PRDM2: variants seen among roughly 807,000 people sequenced by gnomAD.
PRDM2 encodes PR domain zinc finger protein 2.
PRDM2 carries 30 observed loss-of-function variants against 130.0 expected under a neutral mutation model. The ratio of observed to expected loss-of-function variants is 0.23; its 90% CI spans 0.17 to 0.31. PRDM2 has a LOEUF of 0.31. PRDM2 is among the 10% of genes least tolerant of loss of function. The probability of loss-of-function intolerance (pLI) is 1.00; values close to 1 mark genes in which losing one functional copy is unlikely to be tolerated. For synonymous variants in PRDM2, 871 were observed against 782.4 expected (o/e 1.11, Z -1.89); for missense variants, 2,011 against 2,108.4 (o/e 0.95, Z 0.90).
rs1486862791 is a variant in PRDM2 at position 13,781,338 on chromosome 1, C to T, written c.3543C>T (p.Arg1181=). ...FKDKTDLSEH[R]FLLHGVGNIF... ...ATAAAACGGACTTGTCAGAACATCG[C>T]TTTTTGCTTCATGGAGTTGGGAATA... Residue 1181 remains arginine (R), a synonymous_variant, in exon 8 of 10, where the codon CGC becomes CGT. Transcript: ENST00000311066. The surrounding 1 kb of genome is among the most constrained non-coding windows in gnomAD (Gnocchi z 6.1). 2 of 1,614,000 alleles carry T rather than the reference C, an allele frequency of 1.2e-6. No homozygotes were observed. Among genetic ancestry groups the T allele is most frequent in the Non-Finnish European group, 1.7e-6 (2 of 1,180,024 alleles).
Position 13,771,241 on chromosome 1 carries a change from G to A in PRDM2, c.512-1837G>A, listed in dbSNP as rs75810858. On this transcript the variant is annotated intron_variant, in intron 6 of 9. Transcript: ENST00000311066. This position sits in a 1 kb window ranked among gnomAD's most constrained non-coding sequence, Gnocchi z 4.1. ...GGCTTATAATTCTTCACCTGGAGACGTGTGTTGGTCATCTCCATGCAGATC... is the reference window on the plus strand; with the variant it reads ...GGCTTATAATTCTTCACCTGGAGACATGTGTTGGTCATCTCCATGCAGATC... Among the ~76,000 whole-genome samples the A allele has an allele frequency of 1.4e-3, 218 of 152,288 alleles. 1 individual carries two copies. Among genetic ancestry groups the A allele is most frequent in the African/African-American group, 5.0e-3 (208 of 41,556 alleles).
Position 13,780,213 on chromosome 1 carries a change from T to G in PRDM2, c.2418T>G (p.Ser806=). ...CATGCTTTGATGAATATAAAATGTC[T>G]AAAGAGTGGACAGCTAGTTCTGCTT... ...SPPCFDEYKM[S]KEWTASSAFS... Residue 806 remains serine, a synonymous_variant, in exon 8 of 10, where the codon TCT becomes TCG. Coordinates refer to ENST00000311066, the MANE Select transcript of PRDM2 (RefSeq NM_001393986.1). The G allele has an allele frequency of 6.2e-7, 1 of 1,606,314 alleles. No homozygotes were observed. The highest frequency in any genetic ancestry group is 8.5e-7 in the Non-Finnish European group (1 of 1,175,712).
chr1:13,719,211 GA>G (rs1642645412), intron 2 of PRDM2, among the ~76,000 whole-genome samples: 1 of 152,182 alleles, frequency 6.6e-6, no homozygotes, highest in African/African-American at 2.4e-5. Context: ...ATTGCTAGTA[GA>G]ACTGAAACTT....
chr1:13,773,320 C>T (rs1644398617), intron 7 of PRDM2, 132 bp downstream of exon 7: 2 of 504,732 alleles, frequency 4.0e-6, no homozygotes, highest in Middle Eastern at 2.9e-4. Flanking sequence ...AAAAAGCTGC[C>T]TAAATTTAAT....
At chr1:13,755,077 A>T (rs1643916735) in intron 6 of PRDM2, among the ~76,000 whole-genome samples, 1 of 152,080 alleles carries the variant, frequency 6.6e-6, no homozygotes, top group Non-Finnish European at 1.5e-5. Flanking sequence ...TTAAAAGCTC[A>T]GTACGGTTTT....
chr1:13,816,580 A>G lies in PRDM2; in HGVS notation c.*23+10A>G, dbSNP rs200684585. 10 of 1,612,598 alleles carry G rather than the reference A, an allele frequency of 6.2e-6. No homozygotes were observed. In the Admixed American group the frequency reaches 1.5e-4, roughly 24 times the overall value. On this transcript the variant is annotated intron_variant, in intron 9 of 9. Transcript: ENST00000311066. ...GGCTGCTCCCTGACAGGTACGAGGC[A>G]GGATGGAACAGCTTCTGGCACTGTT...
chr1:13,813,788 C>T (rs1372377195), intron 8 of PRDM2, among the ~76,000 whole-genome samples: 3 of 152,186 alleles, frequency 2.0e-5, no homozygotes, highest in Non-Finnish European at 4.4e-5. Flanking sequence ...ACGCCCTGAG[C>T]CGGGGAGGAG....
At chr1:13,724,718 C>T (rs1318878942) in intron 2 of PRDM2, among the ~76,000 whole-genome samples, 1 of 152,120 alleles carries the variant, frequency 6.6e-6, no homozygotes, top group Non-Finnish European at 1.5e-5. Context: ...TGGTCTCGAT[C>T]TCCTGACCTC....
intron 2 of PRDM2, among the ~76,000 whole-genome samples, chr1:13,727,893 A>G (rs1352954106): frequency 6.6e-6 from 1 of 152,216 alleles, no homozygotes; most frequent in African/African-American, 2.4e-5. Flanking sequence ...TCCTGTCAGG[A>G]TATGTACCAA....
In PRDM2 at chr1:13,782,654, C is replaced by T. The variant is rs762850235; in HGVS notation, c.4859C>T (p.Ala1620Val). ...CACGTGAGGGTACAGAAAAGCAAAG[C>T]TGTTTTACAAAGCAAATCCACCTTG... ...SLHVRVQKSK[A>V]VLQSKSTLAS... is the part of the protein sequence containing the mutation. The change falls in exon 8 of 10, where the codon GCT (alanine) becomes GTT (valine). Residue 1620 changes from alanine to valine, a missense_variant. Coordinates refer to ENST00000311066, the MANE Select transcript of PRDM2 (RefSeq NM_001393986.1). 1 of 1,614,140 alleles carries T rather than the reference C, an allele frequency of 6.2e-7. No individual in the cohort carries two copies. The highest frequency in any genetic ancestry group is 1.7e-5 in the Admixed American group (1 of 60,022).
Position 13,779,369 on chromosome 1 carries a change from A to G in PRDM2, c.1574A>G (p.Gln525Arg), listed in dbSNP as rs1209742622. 8.7e-6 allele frequency: 14 copies of G among 1,614,232 alleles called. No homozygotes were observed. Among genetic ancestry groups the G allele is most frequent in the Non-Finnish European group, 1.1e-5 (13 of 1,180,028 alleles). Reference protein sequence around the residue: ...VRRKGGLEEPQPPAEQAQATQ... With the variant: ...VRRKGGLEEPRPPAEQAQATQ... ...CGAAAAGGAGGCCTTGAAGAGCCCC[A>G]GCCTCCAGCAGAACAGGCCCAGGCC... Residue 525 changes from glutamine to arginine, a missense_variant, in exon 8 of 10, where the codon CAG becomes CGG. By Grantham distance (43) the Gln-to-Arg change is conservative (BLOSUM62 1). Around this residue, in one of 5 missense-constraint regions of PRDM2, gnomAD observed 1,288 missense variants for 1,237.7 expected, o/e 1.04. Transcript: ENST00000311066. This position sits in a 1 kb window ranked among gnomAD's most constrained non-coding sequence, Gnocchi z 4.9.
At chr1:13,710,868 C>T (rs1557592165) in intron 1 of PRDM2, among the ~76,000 whole-genome samples, 1 of 152,074 alleles carries the variant, frequency 6.6e-6, no homozygotes, top group Non-Finnish European at 1.5e-5. Flanking sequence ...GGACAGATCA[C>T]GAGGTCAGGA....
intron 2 of PRDM2, among the ~76,000 whole-genome samples, chr1:13,722,533 AC>A (rs1642764029): frequency 1.3e-5 from 2 of 152,150 alleles, no homozygotes; most frequent in African/African-American, 4.8e-5. Flanking sequence ...CCATGGGTAG[AC>A]CGAACAAACC....
intron 6 of PRDM2, among the ~76,000 whole-genome samples, chr1:13,761,604 G>A (rs953785266): frequency 6.6e-6 from 1 of 152,118 alleles, no homozygotes; most frequent in Non-Finnish European, 1.5e-5. Flanking sequence ...CTGACCCCCA[G>A]TGTTGTCTAC....
Position 13,778,532 on chromosome 1 carries a change from G to C in PRDM2, c.737G>C (p.Trp246Ser), listed in dbSNP as rs1644531091. The change falls in exon 8 of 10, where the codon TGG becomes TCG. Residue 246 changes from tryptophan (W) to serine (S), a missense_variant. Physicochemically the swap from Trp to Ser is radical, Grantham distance 177. Coordinates refer to ENST00000311066, the MANE Select transcript of PRDM2 (RefSeq NM_001393986.1). ...PPELATPAPAWEPQPEPDERL... is the reference protein window; with the variant it reads ...PPELATPAPASEPQPEPDERL... ...GAACTAGCAACCCCTGCCCCTGCCT[G>C]GGAGCCACAGCCAGAACCAGACGAG... The C allele has an allele frequency of 1.2e-6, 2 of 1,614,170 alleles. No individual in the cohort carries two copies. The highest frequency in any genetic ancestry group is 1.7e-6 in the Non-Finnish European group (2 of 1,180,044).
At position 13,823,898 on chromosome 1, in the gene PRDM2, G is replaced by C. The variant is rs1227648727; in HGVS notation, c.*763G>C. ...CTTGGGAAGGGCAGGGAATGGGGAC[G>C]GTGTATGGAGGGGAGGGATCTCCTG... is the stretch of plus-strand genomic sequence containing the variant. On this transcript the variant is annotated 3_prime_UTR_variant, in exon 10 of 10. Transcript: ENST00000311066. 1 of 152,256 alleles carries C rather than the reference G, an allele frequency of 6.6e-6. No homozygotes were observed. 9.4% of individuals were successfully genotyped at this position (152,256 alleles called of 1,614,324 possible). A position where few individuals can be genotyped will look rare whatever the true frequency, so the allele number is the denominator to read the frequency against.
Position 13,773,087 on chromosome 1 carries a change from A to T in PRDM2, c.521A>T (p.Lys174Ile). Reference sequence around the variant, plus strand: ...AAAAATTGTGTTTCAGGGAAGAAAAAATCCCAGGAAAATAAAAACAAAGGA... The same window carrying T: ...AAAAATTGTGTTTCAGGGAAGAAAATATCCCAGGAAAATAAAAACAAAGGA... Reference protein sequence around the residue: ...SSPKSRKGKKKSQENKNKGNK... With the variant: ...SSPKSRKGKKISQENKNKGNK... The change falls in exon 7 of 10, where the codon AAA becomes ATA. Residue 174 changes from lysine (K) to isoleucine (I), a missense_variant. Transcript: ENST00000311066. 6.5e-7 allele frequency: 1 copy of T among 1,540,222 alleles called. No individual in the cohort carries two copies. Among genetic ancestry groups the T allele is most frequent in the South Asian group, 1.3e-5 (1 of 77,598 alleles).
intron 6 of PRDM2, chr1:13,769,314 A>T (rs748927396): frequency 3.3e-6 from 1 of 302,100 alleles, no homozygotes; most frequent in Non-Finnish European, 4.9e-6. Flanking sequence ...GACATATAGG[A>T]CAGAAATCAG....
rs1644748471 is a variant in PRDM2 at position 13,786,683 on chromosome 1, G to T, written c.5036+3852G>T. 2.0e-6 allele frequency: 3 copies of T among 1,495,106 alleles called. No homozygotes were observed. The South Asian group carries it at 3.9e-5, about 20-fold the overall frequency. 92.6% of individuals were successfully genotyped at this position (1,495,106 alleles called of 1,614,324 possible). On this transcript the variant is annotated intron_variant, in intron 8 of 9. Transcript: ENST00000311066. Reference sequence around the variant, plus strand: ...CTAACATTCAGCTGATTGCCGGCAGGCTTAGAGTCAGGCATCTGCTGCTTC... The same window carrying T: ...CTAACATTCAGCTGATTGCCGGCAGTCTTAGAGTCAGGCATCTGCTGCTTC...
Sources: gnomAD v4.1 joint callset for allele counts (sites outside exome capture counted in the v4.1 genomes callset) on GRCh38, gnomAD v4.1.1 for gene constraint, gnomAD v4.1.1 regional missense constraint, Gnocchi (gnomAD v3.1) non-coding constraint, MANE v1.5 for transcripts, NCBI Gene and HGNC (gene_info 2026-07-23, HGNC 2026-07-21) for gene names.